The following PHKB variants were observed in gnomAD, a reference collection of about 807,000 sequenced individuals.
PHKB encodes phosphorylase kinase regulatory subunit beta.
A neutral mutation model predicts 152.1 loss-of-function variants in PHKB; 122 were observed. That is an observed-to-expected ratio of 0.80 (90% confidence interval 0.69 to 0.93). PHKB has a LOEUF of 0.93. PHKB is among the 40% of genes least tolerant of loss of function. The pLI is 0.00. For synonymous variants in PHKB, 436 were observed against 464.9 expected (o/e 0.94, Z 0.80); for missense variants, 1,304 against 1,328.4 (o/e 0.98, Z 0.29).
chr16:47,534,825 A>G (rs1373003967), intron 6 of PHKB, among the ~76,000 whole-genome samples: 1 of 152,214 alleles, frequency 6.6e-6, no homozygotes, highest in Non-Finnish European at 1.5e-5. Context: ...TATTCTTGCC[A>G]AAAATGCATT....
chr16:47,512,111 C>T lies in PHKB; in HGVS notation c.513+339C>T, dbSNP rs1233402668. 7.2e-5 allele frequency among the ~76,000 whole-genome samples: 11 copies of T among 152,314 alleles called. No individual in the cohort carries two copies. The East Asian group carries it at 1.9e-3, about 27-fold the overall frequency. On this transcript the variant is annotated intron_variant, in intron 5 of 30. Transcript: ENST00000323584. Reference sequence around the variant, plus strand: ...TCCTGCTGTGCGGCCCCATTCCAAACAGGATGTGGACCCATAGCAGTCTGT... The same window carrying T: ...TCCTGCTGTGCGGCCCCATTCCAAATAGGATGTGGACCCATAGCAGTCTGT...
intron 10 of PHKB, among the ~76,000 whole-genome samples, chr16:47,592,257 T>C (rs2151699334): frequency 6.6e-6 from 1 of 152,318 alleles, no homozygotes; most frequent in African/African-American, 2.4e-5. Context: ...CAAGTAAATA[T>C]AATGAGTAAA....
chr16:47,497,687 C>A (rs906358454), intron 2 of PHKB, among the ~76,000 whole-genome samples, 199 bp downstream of exon 2: 3 of 151,934 alleles, frequency 2.0e-5, no homozygotes, highest in Non-Finnish European at 4.4e-5. Flanking sequence ...TCATATCTGG[C>A]CCTTGAAGAA....
intron 13 of PHKB, among the ~76,000 whole-genome samples, chr16:47,605,738 G>A (rs1228141982): frequency 1.3e-5 from 2 of 151,988 alleles, no homozygotes; most frequent in Non-Finnish European, 2.9e-5. Context: ...CAGAGAGAAA[G>A]GAGAACATTT....
At chr16:47,577,770 T>G (rs1971774585) in intron 7 of PHKB, among the ~76,000 whole-genome samples, 1 of 152,230 alleles carries the variant, frequency 6.6e-6, no homozygotes, top group Non-Finnish European at 1.5e-5. Flanking sequence ...CTCTGGCTAC[T>G]GTCAAGATTT....
chr16:47,555,937 C>G (rs1466647020), intron 7 of PHKB, among the ~76,000 whole-genome samples: 1 of 152,218 alleles, frequency 6.6e-6, no homozygotes, highest in East Asian at 1.9e-4. Context: ...TCTTTGTATC[C>G]TCTTTTATTT....
chr16:47,668,697 T>C (rs1973582579), intron 25 of PHKB, among the ~76,000 whole-genome samples: 1 of 152,172 alleles, frequency 6.6e-6, no homozygotes, highest in Admixed American at 6.5e-5. Flanking sequence ...CCAGGCACCT[T>C]GCATTATGCC....
intron 7 of PHKB, among the ~76,000 whole-genome samples, chr16:47,550,750 G>A (rs898403692): frequency 6.6e-6 from 1 of 152,148 alleles, no homozygotes; most frequent in Non-Finnish European, 1.5e-5. Flanking sequence ...TTAGGGAGGA[G>A]TCCCTCTTTT....
chr16:47,689,507 T>C (rs1974023834), intron 27 of PHKB, among the ~76,000 whole-genome samples: 1 of 152,168 alleles, frequency 6.6e-6, no homozygotes, highest in Non-Finnish European at 1.5e-5. Context: ...ACTCACCATC[T>C]CCTCCCAGCA....
intron 1 of PHKB, among the ~76,000 whole-genome samples, chr16:47,469,043 TA>T (rs1276237740): frequency 6.6e-6 from 1 of 152,178 alleles, no homozygotes; most frequent in Non-Finnish European, 1.5e-5. Flanking sequence ...TCCTTATTAT[TA>T]GGTAATTTTT....
intron 1 of PHKB, 36 bp downstream of exon 1, chr16:47,461,462 A>G (rs760412739): frequency 6.2e-7 from 1 of 1,602,708 alleles, no homozygotes; most frequent in Admixed American, 1.7e-5. Context: ...CCACCCGAGT[A>G]CCTTGGGTGG....
chr16:47,463,717 TA>T, intron 1 of PHKB: 1 of 570,096 alleles, frequency 1.8e-6, no homozygotes, highest in Non-Finnish European at 3.1e-6. Context: ...TGAGCAAGTG[TA>T]ATTTATCAAA....
rs981615352 is a variant in PHKB at position 47,594,163 on chromosome 16, G to A, written c.1153G>A (p.Val385Ile). 3.8e-6 allele frequency: 6 copies of A among 1,572,180 alleles called. No individual in the cohort carries two copies. The African/African-American group carries it at 8.1e-5, about 21-fold the overall frequency. ...AGTTTTTAGAGGCAATCCTAAGCAA[G>A]TACAGGAATATCAGGATCTTTTGAC... is the stretch of plus-strand genomic sequence containing the variant. ...DGVFRGNPKQ[V>I]QEYQDLLTPV... The change falls in exon 12 of 31, where the codon GTA becomes ATA. Residue 385 changes from valine to isoleucine, a missense_variant. Val to Ile is a conservative substitution (Grantham distance 29). Coordinates refer to ENST00000323584, the MANE Select transcript of PHKB (RefSeq NM_000293.3).
intron 27 of PHKB, among the ~76,000 whole-genome samples, chr16:47,692,374 G>A (rs781387249): frequency 5.9e-5 from 9 of 152,156 alleles, no homozygotes. Flanking sequence ...CCAGCACTTT[G>A]GGAGGCCAAG....
Position 47,664,966 on chromosome 16 carries a change from TG to T in PHKB, c.2421del (p.Lys808AsnfsTer3). 6.2e-7 allele frequency: 1 copy of T among 1,608,106 alleles called. No individual in the cohort carries two copies. The highest frequency in any genetic ancestry group is 8.5e-7 in the Non-Finnish European group (1 of 1,174,572). On this transcript the variant is annotated frameshift_variant, in exon 25 of 31. Coordinates refer to ENST00000323584, the MANE Select transcript of PHKB (RefSeq NM_000293.3). LOFTEE classifies it high-confidence loss of function. The part of the protein sequence containing the change: ...APHITTFLVH[G>X]KQVTLGAFGH... The stretch of plus-strand genomic sequence containing the variant: ...CACACATTACTACTTTTCTGGTACA[TG>T]GGAAACAGGTAACATGCACAGAATT...
At chr16:47,698,655 T>C (rs1974196911) in intron 30 of PHKB, 67 bp downstream of exon 30, 1 of 1,215,428 alleles carries the variant, frequency 8.2e-7, no homozygotes, top group Non-Finnish European at 1.1e-6. Flanking sequence ...TTCTTTAAAA[T>C]ATCCCTAATC....
intron 14 of PHKB, among the ~76,000 whole-genome samples, chr16:47,631,171 T>C (rs1276285702): frequency 1.3e-5 from 2 of 152,170 alleles, no homozygotes; most frequent in Non-Finnish European, 2.9e-5. Flanking sequence ...TCTCTAGAGA[T>C]CTCTGCCTGC....
intron 1 of PHKB, among the ~76,000 whole-genome samples, chr16:47,470,502 C>T (rs1969747334): frequency 6.6e-6 from 1 of 152,232 alleles, no homozygotes; most frequent in Admixed American, 6.5e-5. Context: ...GAACGTATCG[C>T]AGTGCTGCAG....
intron 14 of PHKB, among the ~76,000 whole-genome samples, chr16:47,622,133 G>A (rs1384755126): frequency 6.6e-6 from 1 of 151,874 alleles, no homozygotes; most frequent in African/African-American, 2.4e-5. Context: ...GATATACAAG[G>A]ATTATTATGA....
Sources: allele counts gnomAD v4.1 joint callset (sites outside exome capture counted in the v4.1 genomes callset), GRCh38; gene constraint gnomAD v4.1.1; transcripts MANE v1.5; gene names NCBI Gene and HGNC (gene_info 2026-07-23, HGNC 2026-07-21).